Variants in CHST8 observed in about 807,000 individuals in gnomAD.
CHST8 encodes the protein carbohydrate sulfotransferase 8, also known as GALNAC-4-ST1.
CHST8 carries 10 observed loss-of-function variants against 15.0 expected under a neutral mutation model. That is an observed-to-expected ratio of 0.67 (90% CI 0.41 to 1.13). CHST8 has a LOEUF of 1.13. Among genes scored for constraint, CHST8 ranks in the 50% most tolerant of loss-of-function variants. CHST8 has a pLI of 0.00. For synonymous variants in CHST8, 259 were observed against 256.6 expected (o/e 1.01, Z -0.09); for missense variants, 634 against 608.2 (o/e 1.04, Z -0.45).
In CHST8 at chr19:33,690,004, A is replaced by G. The variant is rs1366664139; in HGVS notation, c.130+613A>G. 2.6e-5 allele frequency among the ~76,000 whole-genome samples: 4 copies of G among 152,294 alleles called. No individual in the cohort carries two copies. In the East Asian group the frequency reaches 5.8e-4, roughly 22 times the overall value. On this transcript the variant is annotated intron_variant, in intron 3 of 4. Coordinates refer to ENST00000650847, the MANE Select transcript of CHST8 (RefSeq NM_001127895.2). ...AAGGGTGATTCTGGCATCTCAGGGCAGACGGAGTGTGGAGAGGGAGTTCAG... is the reference window on the plus strand; with the variant it reads ...AAGGGTGATTCTGGCATCTCAGGGCGGACGGAGTGTGGAGAGGGAGTTCAG...
intron 1 of CHST8, among the ~76,000 whole-genome samples, chr19:33,639,597 T>A (rs1012402803): frequency 1.3e-5 from 2 of 152,084 alleles, no homozygotes; most frequent in Non-Finnish European, 2.9e-5. Flanking sequence ...AATGTGGGGT[T>A]AGGATTTGTA....
At chr19:33,655,430 G>A (rs1972499710) in intron 1 of CHST8, among the ~76,000 whole-genome samples, 1 of 152,110 alleles carries the variant, frequency 6.6e-6, no homozygotes, top group African/African-American at 2.4e-5. Flanking sequence ...GCAGATTTTG[G>A]TACCAGGGTT....
At chr19:33,730,921 T>A (rs1002153732) in intron 3 of CHST8, among the ~76,000 whole-genome samples, 2 of 152,156 alleles carry the variant, frequency 1.3e-5, no homozygotes, top group African/African-American at 2.4e-5. Flanking sequence ...GGGAGTCCGA[T>A]GTTCGAGGGC....
chr19:33,626,185 C>T (rs1272149215), intron 1 of CHST8, among the ~76,000 whole-genome samples: 1 of 152,106 alleles, frequency 6.6e-6, no homozygotes, highest in African/African-American at 2.4e-5. Context: ...ATCAGCATGG[C>T]AGATCGTGAG....
rs773427737 is a variant in CHST8, at chr19:33,773,105, C to T, written c.*42C>T. On this transcript the variant is annotated 3_prime_UTR_variant, in exon 5 of 5. Transcript: ENST00000650847. Reference sequence around the variant, plus strand: ...CCGGGGCCGCCCTGCCCCGGTCACTCACCTGTGCTCCCGGGCATCCTCCTG... The same window carrying T: ...CCGGGGCCGCCCTGCCCCGGTCACTTACCTGTGCTCCCGGGCATCCTCCTG... 6.5e-7 allele frequency: 1 copy of T among 1,536,924 alleles called. No individual in the cohort carries two copies. Among genetic ancestry groups the T allele is most frequent in the South Asian group, 1.2e-5 (1 of 81,422 alleles).
intron 3 of CHST8, among the ~76,000 whole-genome samples, chr19:33,711,970 A>G (rs1386583680): frequency 3.3e-5 from 5 of 152,230 alleles, no homozygotes; most frequent in African/African-American, 1.2e-4. Flanking sequence ...TAATTTTGCC[A>G]GTGTGTAAGG....
chr19:33,710,710 A>G (rs920517928), intron 3 of CHST8, among the ~76,000 whole-genome samples: 5 of 152,196 alleles, frequency 3.3e-5, no homozygotes, highest in Admixed American at 6.5e-5. Context: ...CAATCAATCA[A>G]TGTTCATGCC....
chr19:33,711,790 C>G (rs1292686812), intron 3 of CHST8, among the ~76,000 whole-genome samples: 1 of 152,100 alleles, frequency 6.6e-6, no homozygotes, highest in Non-Finnish European at 1.5e-5. Context: ...CGCCACCACA[C>G]CCAGCTAATT....
chr19:33,645,651 T>C (rs1972345008), intron 1 of CHST8, among the ~76,000 whole-genome samples: 1 of 152,148 alleles, frequency 6.6e-6, no homozygotes, highest in Admixed American at 6.5e-5. Flanking sequence ...GTGAAGGACA[T>C]ACAGGATTTA....
chr19:33,766,448 C>T (rs759864956), intron 3 of CHST8, among the ~76,000 whole-genome samples: 16 of 152,218 alleles, frequency 1.1e-4, no homozygotes, highest in Non-Finnish European at 2.1e-4. Context: ...ATCTGTAGCT[C>T]AGCACTGCAC....
At chr19:33,695,440 G>A (rs1411937898) in intron 3 of CHST8, among the ~76,000 whole-genome samples, 1 of 152,066 alleles carries the variant, frequency 6.6e-6, no homozygotes, top group Non-Finnish European at 1.5e-5. Context: ...ATAGTTTTGG[G>A]GGTATAGGTG....
intron 3 of CHST8, among the ~76,000 whole-genome samples, chr19:33,751,253 G>A (rs1016951397): frequency 5.3e-5 from 8 of 152,164 alleles, no homozygotes; most frequent in Non-Finnish European, 7.4e-5. Flanking sequence ...CAGGATTCAC[G>A]GCTTGGCTCG....
intron 3 of CHST8, among the ~76,000 whole-genome samples, chr19:33,746,403 AT>A (rs1349361078): frequency 6.6e-6 from 1 of 151,842 alleles, no homozygotes; most frequent in East Asian, 1.9e-4. Context: ...CTAGAGATTC[AT>A]TTTGCCTGTT....
At chr19:33,738,454 A>C (rs746748959) in intron 3 of CHST8, among the ~76,000 whole-genome samples, 36 of 152,234 alleles carry the variant, frequency 2.4e-4, no homozygotes, top group Non-Finnish European at 5.0e-4. Flanking sequence ...TATTACTTCA[A>C]AATGTCTATC....
chr19:33,749,674 T>C lies in CHST8; in HGVS notation c.131-21739T>C, dbSNP rs918585344. Among the ~76,000 whole-genome samples, 10 of 152,124 alleles carry C rather than the reference T, an allele frequency of 6.6e-5. No homozygotes were observed. In the East Asian group the frequency reaches 1.7e-3, roughly 27 times the overall value. On this transcript the variant is annotated intron_variant, in intron 3 of 4. Coordinates refer to ENST00000650847, the MANE Select transcript of CHST8 (RefSeq NM_001127895.2). The stretch of plus-strand genomic sequence containing the variant: ...TGGGCAGGTCCTGCAGCCCTCAGTC[T>C]TACTGCTACTCACCCACCTCCCTCC...
At chr19:33,734,232 GT>G (rs1974042427) in intron 3 of CHST8, among the ~76,000 whole-genome samples, 1 of 152,136 alleles carries the variant, frequency 6.6e-6, no homozygotes, top group African/African-American at 2.4e-5. Flanking sequence ...CGCCATGACA[GT>G]TTACAAATGC....
intron 3 of CHST8, among the ~76,000 whole-genome samples, chr19:33,766,558 G>A (rs954328805): frequency 6.6e-6 from 1 of 152,202 alleles, no homozygotes; most frequent in African/African-American, 2.4e-5. Context: ...CCTAATGGGG[G>A]CATGGAAGCA....
At chr19:33,768,264 G>A (rs1348775251) in intron 3 of CHST8, among the ~76,000 whole-genome samples, 4 of 152,030 alleles carry the variant, frequency 2.6e-5, no homozygotes, top group South Asian at 2.1e-4. Flanking sequence ...CCTTCATTAC[G>A]TTTCTTCTTT....
intron 1 of CHST8, among the ~76,000 whole-genome samples, chr19:33,650,968 T>C (rs1052086460): frequency 1.1e-4 from 17 of 152,196 alleles, no homozygotes; most frequent in African/African-American, 3.9e-4. Context: ...CCCAAAGTGC[T>C]GGGATTACAG....
Sources: gnomAD v4.1 joint callset for allele counts (sites outside exome capture counted in the v4.1 genomes callset) on GRCh38, gnomAD v4.1.1 for gene constraint, MANE v1.5 for transcripts, NCBI Gene and HGNC (gene_info 2026-07-23, HGNC 2026-07-21) for gene names.